Variants in INO80 observed in about 807,000 individuals in gnomAD.
INO80 encodes the protein INO80 complex ATPase subunit.
A neutral mutation model predicts 203.4 loss-of-function variants in INO80; 20 were observed. That is an observed-to-expected ratio of 0.10 (90% CI 0.07 to 0.14). The LOEUF (loss-of-function observed/expected upper bound fraction) is 0.14, where lower values mean the gene tolerates loss of function less well. Among genes scored for constraint, INO80 ranks in the 10% least tolerant of loss-of-function variants. The pLI is 1.00. For synonymous variants in INO80, 726 were observed against 685.2 expected (o/e 1.06, Z -0.93); for missense variants, 1,419 against 1,914.4 (o/e 0.74, Z 4.83).
chr15:41,039,004 T>A (rs2044626309), intron 24 of INO80, among the ~76,000 whole-genome samples: 1 of 152,238 alleles, frequency 6.6e-6, no homozygotes, highest in Admixed American at 6.5e-5. Context: ...AAGCTTATTA[T>A]CTAAACCCGC....
In INO80 at chr15:41,073,579, C is replaced by G. The variant is rs998631900; in HGVS notation, c.1328-84G>C. On this transcript the variant is annotated intron_variant, in intron 10 of 35. Transcript: ENST00000648947. ...AATTAACACCAATGTATGTGGATCC[C>G]TGATTCCCTCATTCTACTTATCCCT... 10 of 1,059,030 alleles carry G rather than the reference C, an allele frequency of 9.4e-6. No homozygotes were observed. The Admixed American group carries it at 1.2e-4, about 13-fold the overall frequency. The allele number at this position is 1,059,030 out of a possible 1,614,324, so 65.6% of individuals were successfully genotyped here.
chr15:41,067,451 G>C (rs1006260794), intron 14 of INO80, among the ~76,000 whole-genome samples: 1 of 152,034 alleles, frequency 6.6e-6, no homozygotes, highest in Non-Finnish European at 1.5e-5. Context: ...GAAAAAGATG[G>C]TGATCACCAT....
intron 28 of INO80, among the ~76,000 whole-genome samples, chr15:41,000,476 A>C (rs2043943886): frequency 6.6e-6 from 1 of 152,030 alleles, no homozygotes; most frequent in Non-Finnish European, 1.5e-5. Context: ...TGGGTAGATC[A>C]CTTGAGGTCA....
At chr15:41,075,557 C>A (rs2045390949) in intron 9 of INO80, among the ~76,000 whole-genome samples, 1 of 152,130 alleles carries the variant, frequency 6.6e-6, no homozygotes, top group Admixed American at 6.5e-5. Context: ...TGGGTTCATG[C>A]CATTCTCCTG....
intron 27 of INO80, among the ~76,000 whole-genome samples, chr15:41,012,476 T>C (rs1324264399): frequency 2.1e-5 from 3 of 145,434 alleles, no homozygotes; most frequent in African/African-American, 7.6e-5. Context: ...TGAGGAAGAA[T>C]TGCTTGAACC....
chr15:41,060,483 G>A (rs1015133040), intron 14 of INO80, among the ~76,000 whole-genome samples: 5 of 152,032 alleles, frequency 3.3e-5, no homozygotes, highest in African/African-American at 9.7e-5. Context: ...CTACTAGGGA[G>A]GCAGAGGTTG....
chr15:41,051,914 C>T (rs112669645), intron 19 of INO80, among the ~76,000 whole-genome samples: 36 of 151,954 alleles, frequency 2.4e-4, no homozygotes, highest in African/African-American at 8.0e-4. Flanking sequence ...GCTGAGATCG[C>T]GCCACTGCAC....
intron 25 of INO80, 114 bp from the exon 26 acceptor site, chr15:41,021,239 T>C (rs1439619312): frequency 4.3e-6 from 3 of 689,802 alleles, no homozygotes; most frequent in Non-Finnish European, 7.5e-6. Context: ...AGACTAGTGG[T>C]TTTAAATATC....
At chr15:41,079,009 G>A (rs1425387979) in intron 9 of INO80, among the ~76,000 whole-genome samples, 5 of 152,190 alleles carry the variant, frequency 3.3e-5, no homozygotes, top group Admixed American at 6.5e-5. Flanking sequence ...AGGCATGGTG[G>A]TGGGTGCCTA....
chr15:40,979,071 G>T lies in INO80; in HGVS notation c.*1152C>A, dbSNP rs1452916494. 2 of 152,548 alleles carry T rather than the reference G, an allele frequency of 1.3e-5. No individual in the cohort carries two copies. The highest frequency in any genetic ancestry group is 6.6e-5 in the Admixed American group (1 of 15,264). 9.4% of individuals were successfully genotyped at this position (152,548 alleles called of 1,614,324 possible). On this transcript the variant is annotated 3_prime_UTR_variant, in exon 36 of 36. Transcript: ENST00000648947. ...CACAGGAATCTGGGTTTGAGCAGGGGAATCTTAATGATTTAAATTAAATGA... is the reference window on the plus strand; with the variant it reads ...CACAGGAATCTGGGTTTGAGCAGGGTAATCTTAATGATTTAAATTAAATGA...
intron 9 of INO80, among the ~76,000 whole-genome samples, chr15:41,076,454 T>C (rs1383355536): frequency 6.8e-6 from 1 of 147,814 alleles, no homozygotes; most frequent in African/African-American, 2.7e-5. Flanking sequence ...TACACATACA[T>C]GTGCAAACTT....
At chr15:40,992,652 C>T (rs1176121404) in intron 29 of INO80, among the ~76,000 whole-genome samples, 1 of 152,228 alleles carries the variant, frequency 6.6e-6, no homozygotes, top group African/African-American at 2.4e-5. Flanking sequence ...ACAGTATATC[C>T]TCGGAATTAA....
chr15:41,030,343 A>C (rs2044439912), intron 24 of INO80, among the ~76,000 whole-genome samples: 1 of 152,108 alleles, frequency 6.6e-6, no homozygotes, highest in African/African-American at 2.4e-5. Flanking sequence ...AGGGGTGGTC[A>C]TTCCCAAATT....
intron 7 of INO80, among the ~76,000 whole-genome samples, chr15:41,083,534 C>T (rs941394603): frequency 3.3e-5 from 5 of 151,468 alleles, no homozygotes; most frequent in Non-Finnish European, 5.9e-5. Context: ...GGCGAAACCT[C>T]GTCTCTTCCA....
At chr15:41,036,174 A>AC (rs2044572020) in intron 24 of INO80, among the ~76,000 whole-genome samples, 1 of 147,332 alleles carries the variant, frequency 6.8e-6, no homozygotes, top group Admixed American at 6.7e-5. Flanking sequence ...AAAAAAAAAA[A>AC]AAAAAAAAAA....
chr15:41,027,870 A>C, intron 24 of INO80, 134 bp from the exon 25 acceptor site: 1 of 608,218 alleles, frequency 1.6e-6, no homozygotes, highest in Non-Finnish European at 2.8e-6. Context: ...TCTAATAAAC[A>C]ACCACTAATT....
intron 24 of INO80, among the ~76,000 whole-genome samples, chr15:41,032,233 C>T (rs565971197): frequency 1.3e-5 from 2 of 152,262 alleles, no homozygotes; most frequent in Admixed American, 1.3e-4. Context: ...ATTTAGGTCT[C>T]CAGTACTCAA....
intron 28 of INO80, chr15:40,999,503 G>C (rs752699047): frequency 1.3e-4 from 20 of 152,190 alleles, no homozygotes; most frequent in Non-Finnish European, 2.9e-4. Context: ...CTTTCCTACA[G>C]AGGCATGGAT....
chr15:41,065,511 T>C (rs1379964671), intron 14 of INO80, among the ~76,000 whole-genome samples: 1 of 152,090 alleles, frequency 6.6e-6, no homozygotes, highest in Non-Finnish European at 1.5e-5. Context: ...GACCTAGCAA[T>C]TCTACTCATA....
Sources: gnomAD v4.1 joint callset for allele counts (sites outside exome capture counted in the v4.1 genomes callset) on GRCh38, gnomAD v4.1.1 for gene constraint, MANE v1.5 for transcripts, NCBI Gene and HGNC (gene_info 2026-07-23, HGNC 2026-07-21) for gene names.